The following NELL1 variants were observed in gnomAD, a reference collection of about 807,000 sequenced individuals.
NELL1 encodes the protein neural EGFL like 1.
A neutral mutation model predicts 107.4 loss-of-function variants in NELL1; 76 were observed. The ratio of observed to expected loss-of-function variants is 0.71; its 90% confidence interval spans 0.59 to 0.86. The LOEUF (loss-of-function observed/expected upper bound fraction) is 0.86. Among genes scored for constraint, NELL1 ranks in the 40% least tolerant of loss-of-function variants. NELL1 has a pLI of 0.00. For synonymous variants in NELL1, 353 were observed against 341.2 expected (o/e 1.03, Z -0.38); for missense variants, 1,024 against 1,005.5 (o/e 1.02, Z -0.25).
chr11:20,957,638 A>G (rs1287835033), intron 11 of NELL1, among the ~76,000 whole-genome samples: 2 of 152,206 alleles, frequency 1.3e-5, no homozygotes, highest in African/African-American at 2.4e-5. Context: ...TAACATGTTT[A>G]AAGACATTTT....
intron 11 of NELL1, 128 bp downstream of exon 11, chr11:20,947,563 T>C (rs1454847968): frequency 8.9e-6 from 6 of 674,908 alleles, no homozygotes; most frequent in African/African-American, 1.8e-5. Context: ...CTTAAAAAGT[T>C]GCATATCCTA....
intron 14 of NELL1, among the ~76,000 whole-genome samples, chr11:21,266,222 C>A (rs1848632178): frequency 6.6e-6 from 1 of 151,986 alleles, no homozygotes; most frequent in African/African-American, 2.4e-5. Flanking sequence ...AGAATGTAAC[C>A]TCTGTGAAGG....
chr11:21,508,128 C>T (rs186738907), intron 15 of NELL1, among the ~76,000 whole-genome samples: 1 of 152,026 alleles, frequency 6.6e-6, no homozygotes, highest in South Asian at 2.1e-4. Context: ...TAAACAAAAT[C>T]CTGGTAGCAC....
chr11:20,783,946 T>G, intron 3 of NELL1, 116 bp downstream of exon 3: 2 of 942,188 alleles, frequency 2.1e-6, no homozygotes, highest in Non-Finnish European at 3.0e-6. Flanking sequence ...GAGGCCTCAT[T>G]TCTGTTGAAC....
chr11:20,981,672 T>G (rs1851752405), intron 12 of NELL1, among the ~76,000 whole-genome samples: 1 of 152,188 alleles, frequency 6.6e-6, no homozygotes, highest in Non-Finnish European at 1.5e-5. Context: ...CCTATTTCTA[T>G]TTGTCACCTT....
chr11:20,704,421 T>G (rs1363349951), intron 2 of NELL1, among the ~76,000 whole-genome samples: 1 of 152,232 alleles, frequency 6.6e-6, no homozygotes, highest in Non-Finnish European at 1.5e-5. Context: ...ATGGGTCTCC[T>G]GAACACAGCA....
At chr11:21,565,990 C>CTG (rs1856964247) in intron 17 of NELL1, among the ~76,000 whole-genome samples, 3 of 151,914 alleles carry the variant, frequency 2.0e-5, no homozygotes, top group African/African-American at 7.2e-5. Flanking sequence ...CTATATCAGG[C>CTG]ATCAGCAAGG....
At chr11:20,759,675 G>A (rs918932471) in intron 2 of NELL1, among the ~76,000 whole-genome samples, 3 of 152,188 alleles carry the variant, frequency 2.0e-5, no homozygotes, top group African/African-American at 4.8e-5. Context: ...GAGGAGGTTT[G>A]TCATTGCCAG....
chr11:20,806,252 TTGTGTGTGTGTGTG>T (rs3045512), intron 3 of NELL1, among the ~76,000 whole-genome samples: 2 of 148,702 alleles, frequency 1.3e-5, no homozygotes, highest in South Asian at 2.2e-4. Context: ...TGTGAAGCAT[TTGTGTGTGTGTGTG>T]TGTGTGTGTG....
At chr11:21,545,434 G>T (rs192423619) in intron 16 of NELL1, among the ~76,000 whole-genome samples, 7 of 151,944 alleles carry the variant, frequency 4.6e-5, no homozygotes, top group African/African-American at 1.4e-4. Flanking sequence ...GGGACTTTGA[G>T]ACTTTATTGG....
At chr11:21,443,935 C>T (rs1163977262) in intron 15 of NELL1, among the ~76,000 whole-genome samples, 3 of 151,368 alleles carry the variant, frequency 2.0e-5, no homozygotes, top group African/African-American at 7.3e-5. Context: ...CATTATAAAA[C>T]AATAAGATAC....
Position 21,186,387 on chromosome 11 carries a change from A to G in NELL1, c.1427-42945A>G, listed in dbSNP as rs985780074. Among the ~76,000 whole-genome samples, 8 of 151,882 alleles carry G rather than the reference A, an allele frequency of 5.3e-5. 2 individuals are homozygous for G. Among genetic ancestry groups the G allele is most frequent in the African/African-American group, 1.9e-4 (8 of 41,158 alleles). On this transcript the variant is annotated intron_variant, in intron 13 of 19. Coordinates refer to ENST00000357134, the MANE Select transcript of NELL1 (RefSeq NM_006157.5). Reference sequence around the variant, plus strand: ...AGTGACAGTGAGTATATGTGTGTTCATATTCTCTCTATCTACTTGTTTTTA... The same window carrying G: ...AGTGACAGTGAGTATATGTGTGTTCGTATTCTCTCTATCTACTTGTTTTTA...
At chr11:21,257,903 A>T (rs1565133864) in intron 14 of NELL1, among the ~76,000 whole-genome samples, 1 of 152,004 alleles carries the variant, frequency 6.6e-6, no homozygotes, top group Non-Finnish European at 1.5e-5. Context: ...CCAACCAGCA[A>T]GATACATCCC....
At chr11:21,406,045 A>G (rs1015827477) in intron 15 of NELL1, among the ~76,000 whole-genome samples, 1 of 152,060 alleles carries the variant, frequency 6.6e-6, no homozygotes, top group Non-Finnish European at 1.5e-5. Context: ...ACAGATAGGA[A>G]CAGAGTGGAT....
intron 9 of NELL1, among the ~76,000 whole-genome samples, chr11:20,933,442 C>T (rs1006794770): frequency 2.6e-5 from 4 of 152,078 alleles, no homozygotes; most frequent in South Asian, 2.1e-4. Context: ...CAATACATTC[C>T]GTTTGACATG....
intron 3 of NELL1, among the ~76,000 whole-genome samples, chr11:20,789,025 G>A (rs1857023708): frequency 6.6e-6 from 1 of 152,182 alleles, no homozygotes. Context: ...TTGGCACCCT[G>A]TTGAAGATCA....
At chr11:21,431,357 T>C (rs1852960355) in intron 15 of NELL1, among the ~76,000 whole-genome samples, 1 of 152,218 alleles carries the variant, frequency 6.6e-6, no homozygotes, top group African/African-American at 2.4e-5. Context: ...TTGTCATTAT[T>C]GTATACTGAT....
chr11:21,461,285 C>A (rs549130312), intron 15 of NELL1, among the ~76,000 whole-genome samples: 1 of 151,976 alleles, frequency 6.6e-6, no homozygotes, highest in Non-Finnish European at 1.5e-5. Context: ...AATTTTGGAC[C>A]CACCACTTAT....
intron 12 of NELL1, among the ~76,000 whole-genome samples, chr11:21,093,402 G>A (rs1854565850): frequency 1.3e-5 from 2 of 151,298 alleles, no homozygotes; most frequent in Non-Finnish European, 2.9e-5. Flanking sequence ...CTTCTTCTTT[G>A]GCCAACTCTC....
Sources: gnomAD v4.1 joint callset for allele counts (sites outside exome capture counted in the v4.1 genomes callset) on GRCh38, gnomAD v4.1.1 for gene constraint, MANE v1.5 for transcripts, NCBI Gene and HGNC (gene_info 2026-07-23, HGNC 2026-07-21) for gene names.